JKAMP: variants seen among roughly 807,000 people sequenced by gnomAD.
JKAMP encodes JNK1/MAPK8-associated membrane protein.
Under a neutral mutation model 40.2 loss-of-function variants are expected in JKAMP, and 20 were observed. The ratio of observed to expected loss-of-function variants is 0.50; its 90% confidence interval spans 0.35 to 0.72. JKAMP has a LOEUF of 0.72. Among genes scored for constraint, JKAMP ranks in the 30% least tolerant of loss-of-function variants. The pLI is 0.01. For missense variants in JKAMP, 276 were observed against 373.0 expected (o/e 0.74, Z 2.14); for synonymous variants, 138 against 131.6 (o/e 1.05, Z -0.33).
intron 6 of JKAMP, among the ~76,000 whole-genome samples, chr14:59,503,271 AT>A (rs1892078057): frequency 6.6e-6 from 1 of 152,170 alleles, no homozygotes; most frequent in Non-Finnish European, 1.5e-5. Flanking sequence ...CCTGTTGCAA[AT>A]TACGTTTTAA....
At position 59,498,767 on chromosome 14, in the gene JKAMP, T is replaced by C. The variant is rs1891634684; in HGVS notation, c.499T>C (p.Leu167=). The change falls in exon 5 of 7, where the codon TTA becomes CTA. Residue 167 remains leucine (L), a synonymous_variant. Coordinates refer to ENST00000616435, the MANE Select transcript of JKAMP (RefSeq NM_016475.5). ...TATCTATTACGCATTCTGCTTGGTA[T>C]TAATGATGCTGCTCCGACCTCTTCT... ...VFIYYAFCLV[L]MMLLRPLLVK... 6.3e-7 allele frequency: 1 copy of C among 1,598,816 alleles called. No individual in the cohort carries two copies. Among genetic ancestry groups the C allele is most frequent in the Admixed American group, 1.7e-5 (1 of 59,404 alleles).
In JKAMP at chr14:59,498,839, A is replaced by C. The variant is rs1464805751; in HGVS notation, c.571A>C (p.Ser191Arg). 1 of 1,612,984 alleles carries C rather than the reference A, an allele frequency of 6.2e-7. No individual in the cohort carries two copies. Among genetic ancestry groups the C allele is most frequent in the Admixed American group, 1.7e-5 (1 of 59,868 alleles). Reference protein sequence around the residue: ...CGLGKSDRFKSIYAALYFFPI... With the variant: ...CGLGKSDRFKRIYAALYFFPI... ...GTTAGGGAAATCTGATCGATTTAAA[A>C]GTATTTATGCTGCACTTTACTTCTT... The change falls in exon 5 of 7, where the codon AGT (serine) becomes CGT (arginine). Residue 191 changes from serine to arginine, a missense_variant. Coordinates refer to ENST00000616435, the MANE Select transcript of JKAMP (RefSeq NM_016475.5).
chr14:59,494,218 G>A (rs1891257586), intron 3 of JKAMP, among the ~76,000 whole-genome samples: 1 of 151,786 alleles, frequency 6.6e-6, no homozygotes, highest in African/African-American at 2.4e-5. Context: ...TAAAAGCCTG[G>A]TGTATTAAAA....
Position 59,486,735 on chromosome 14 carries a change from C to G in JKAMP, c.27C>G (p.Cys9Trp). The G allele has an allele frequency of 6.3e-7, 1 of 1,592,706 alleles. No individual in the cohort carries two copies. ...AAGCTGTCGATATTCAACCAGCATGCCTTGGACTTTATTGTGGGAAGACCC... is the reference window on the plus strand; with the variant it reads ...AAGCTGTCGATATTCAACCAGCATGGCTTGGACTTTATTGTGGGAAGACCC... Reference protein sequence around the residue: MAVDIQPACLGLYCGKTLL... With the variant: MAVDIQPAWLGLYCGKTLL... Residue 9 changes from cysteine to tryptophan, a missense_variant, in exon 2 of 7, where the codon TGC becomes TGG. Coordinates refer to ENST00000616435, the MANE Select transcript of JKAMP (RefSeq NM_016475.5).
chr14:59,495,078 C>T lies in JKAMP; in HGVS notation c.312C>T (p.Ile104=). ...TTGAATGCAGCATGGCAGCTATTAT[C>T]ACCTTACTTGTGAGTGATCCAGTTG... is the stretch of plus-strand genomic sequence containing the variant. The part of the protein sequence containing the change: ...ALFECSMAAI[I]TLLVSDPVGV... The change falls in exon 4 of 7, where the codon ATC becomes ATT. Residue 104 remains isoleucine (I), a synonymous_variant. Transcript: ENST00000616435. 6.2e-7 allele frequency: 1 copy of T among 1,613,872 alleles called. No homozygotes were observed.
intron 1 of JKAMP, chr14:59,485,227 T>C: frequency 8.5e-7 from 1 of 1,182,702 alleles, no homozygotes; most frequent in Non-Finnish European, 1.2e-6. Flanking sequence ...AAGCATCTAC[T>C]AGATGTAAAG....
intron 5 of JKAMP, among the ~76,000 whole-genome samples, chr14:59,500,453 AGTG>A (rs946585273): frequency 3.3e-5 from 5 of 152,226 alleles, no homozygotes; most frequent in African/African-American, 9.6e-5. Flanking sequence ...TTAAGAGAAA[AGTG>A]GTGTTTTAGA....
intron 4 of JKAMP, among the ~76,000 whole-genome samples, chr14:59,497,527 A>G (rs960958200): frequency 4.6e-5 from 7 of 152,202 alleles, no homozygotes; most frequent in African/African-American, 1.4e-4. Flanking sequence ...AGTTGTGGAA[A>G]TGGACAGATT....
Position 59,503,907 on chromosome 14 carries a change from C to T in JKAMP, c.771C>T (p.His257=). ...AAAGACTTATTGTTCTCTTCAGCCA[C>T]TGGTTACTTCATGCCTATGGAATAA... ...RKKRLIVLFS[H]WLLHAYGIIS... The change falls in exon 7 of 7, where the codon CAC becomes CAT. Residue 257 remains histidine (H), a synonymous_variant. Coordinates refer to ENST00000616435, the MANE Select transcript of JKAMP (RefSeq NM_016475.5). 1 of 1,613,544 alleles carries T rather than the reference C, an allele frequency of 6.2e-7. No homozygotes were observed. Among genetic ancestry groups the T allele is most frequent in the East Asian group, 2.2e-5 (1 of 44,876 alleles).
In JKAMP at chr14:59,503,891, T is replaced by C. The variant is rs750898222; in HGVS notation, c.755T>C (p.Ile252Thr). 39 of 1,613,090 alleles carry C rather than the reference T, an allele frequency of 2.4e-5. No homozygotes were observed. Among genetic ancestry groups the C allele is most frequent in the Admixed American group, 3.3e-5 (2 of 60,002 alleles). The change falls in exon 7 of 7, where the codon ATT becomes ACT. Residue 252 changes from isoleucine to threonine, a missense_variant. Transcript: ENST00000616435. The stretch of plus-strand genomic sequence containing the variant: ...CTTCTGGTCAGAAAGAAAAGACTTA[T>C]TGTTCTCTTCAGCCACTGGTTACTT... ...YDLLVRKKRL[I>T]VLFSHWLLHA...
intron 1 of JKAMP, chr14:59,485,112 G>A (rs1294561252): frequency 1.3e-6 from 2 of 1,598,260 alleles, no homozygotes; most frequent in African/African-American, 2.7e-5. Context: ...CCTGGGTTTT[G>A]CTTAGTAAGT....
In JKAMP at chr14:59,504,368, G is replaced by T. The variant is rs1461283581; in HGVS notation, c.*296G>T. ...CTTTAGGGCAAAATCATGTTTCTGT[G>T]TACCTAGCAATGTGTTCCCATTTTA... On this transcript the variant is annotated 3_prime_UTR_variant, in exon 7 of 7. Transcript: ENST00000616435. 6.0e-6 allele frequency: 2 copies of T among 331,154 alleles called. No individual in the cohort carries two copies. Among genetic ancestry groups the T allele is most frequent in the Non-Finnish European group, 1.1e-5 (2 of 181,770 alleles). The allele number at this position is 331,154 out of a possible 1,614,324, so 20.5% of individuals were successfully genotyped here. A position where few individuals can be genotyped will look rare whatever the true frequency, so the allele number is the denominator to read the frequency against.
intron 4 of JKAMP, among the ~76,000 whole-genome samples, chr14:59,497,823 A>G (rs1200917088): frequency 1.3e-5 from 2 of 152,184 alleles, no homozygotes; most frequent in African/African-American, 4.8e-5. Flanking sequence ...TGGTATCATG[A>G]TGCTGTGTGG....
chr14:59,485,240 C>A, intron 1 of JKAMP: 1 of 992,864 alleles, frequency 1.0e-6, no homozygotes, highest in Non-Finnish European at 1.4e-6. Context: ...ATGTAAAGCC[C>A]ATACAGAAGT....
At chr14:59,495,252 TTG>T (rs200511858) in intron 4 of JKAMP, 28 bp downstream of exon 4, 142,413 of 1,355,018 alleles carry the variant, frequency 0.11, 7,070 homozygotes, top group African/African-American at 0.25. Context: ...CTTAAGATCA[TTG>T]TTTTTTTTTA....
chr14:59,487,916 C>A, intron 3 of JKAMP, 88 bp downstream of exon 3: 1 of 1,237,118 alleles, frequency 8.1e-7, no homozygotes, highest in Non-Finnish European at 1.2e-6. Flanking sequence ...TATGCTTCTT[C>A]TGTTTTAAAA....
chr14:59,485,869 AC>A (rs1890526583), intron 1 of JKAMP: 2 of 152,032 alleles, frequency 1.3e-5, no homozygotes, highest in South Asian at 2.1e-4. Flanking sequence ...GCCCACCTCG[AC>A]CTCCCAAAGT....
At chr14:59,485,564 A>G (rs892288507) in intron 1 of JKAMP, 1 of 155,076 alleles carries the variant, frequency 6.4e-6, no homozygotes, top group Non-Finnish European at 1.4e-5. Context: ...AATTTGGGAA[A>G]TGATTGTTCA....
intron 1 of JKAMP, among the ~76,000 whole-genome samples, chr14:59,486,193 CTT>C (rs1208666573): frequency 1.3e-5 from 2 of 152,104 alleles, no homozygotes; most frequent in African/African-American, 2.4e-5. Flanking sequence ...ATGTAGGAAA[CTT>C]TTTATAAAGG....
Sources: gnomAD v4.1 joint callset for allele counts (sites outside exome capture counted in the v4.1 genomes callset) on GRCh38, gnomAD v4.1.1 for gene constraint, MANE v1.5 for transcripts, NCBI Gene and HGNC (gene_info 2026-07-23, HGNC 2026-07-21) for gene names.